TENM2: variants seen among roughly 807,000 people sequenced by gnomAD.
The protein encoded by TENM2 is teneurin transmembrane protein 2.
A neutral mutation model predicts 245.2 loss-of-function variants in TENM2; 52 were observed. The ratio of observed to expected loss-of-function variants is 0.21; its 90% CI spans 0.17 to 0.27. TENM2 has a LOEUF of 0.27. TENM2 is among the 10% of genes least tolerant of loss of function. The pLI, the probability that TENM2 is intolerant of heterozygous loss-of-function variation, is 1.00. For synonymous variants in TENM2, 1,363 were observed against 1,438.9 expected, an observed-to-expected ratio of 0.95 and a Z score of 1.19; for missense variants, 3,046 against 3,666.8, an observed-to-expected ratio of 0.83 and a Z score of 4.37.
At chr5:167,179,210 GCTT>G in the TENM2 span, among the ~76,000 whole-genome samples, 6 of 152,124 alleles carry the variant, frequency 3.9e-5, no homozygotes, top group African/African-American at 1.4e-4. Context: ...ACAGGAAAAA[GCTT>G]CTACTTCACC....
intron 2 of TENM2, among the ~76,000 whole-genome samples, chr5:167,726,579 C>A (rs1198349135): frequency 6.6e-6 from 1 of 152,172 alleles, no homozygotes; most frequent in Admixed American, 6.5e-5. Flanking sequence ...CTGCCTCAGC[C>A]TGCCAAGTAG....
chr5:168,171,615 C>T (rs1157619314), intron 13 of TENM2, among the ~76,000 whole-genome samples: 2 of 152,148 alleles, frequency 1.3e-5, no homozygotes, highest in African/African-American at 4.8e-5. Flanking sequence ...TTATAATTTA[C>T]CCAACACAGC....
intron 12 of TENM2, among the ~76,000 whole-genome samples, chr5:168,151,642 T>G (rs1171122593): frequency 6.6e-6 from 1 of 152,134 alleles, no homozygotes; most frequent in East Asian, 1.9e-4. Context: ...GAAGCCAAGG[T>G]TTGAACCCAG....
intron 2 of TENM2, among the ~76,000 whole-genome samples, chr5:167,770,862 T>C (rs1259239428): frequency 6.6e-6 from 1 of 152,072 alleles, no homozygotes; most frequent in Non-Finnish European, 1.5e-5. Flanking sequence ...AAATGAGGGT[T>C]TGAGGGCTGT....
chr5:168,004,172 G>A (rs984975144), intron 5 of TENM2, among the ~76,000 whole-genome samples: 1 of 152,136 alleles, frequency 6.6e-6, no homozygotes, highest in Non-Finnish European at 1.5e-5. Context: ...ATTCATGAAC[G>A]TCTTCTTTTC....
At position 167,993,963 on chromosome 5, in the gene TENM2, C is replaced by T. The variant is rs79684284; in HGVS notation, c.1186+781C>T. 1.4e-3 allele frequency among the ~76,000 whole-genome samples: 206 copies of T among 152,356 alleles called. 1 individual carries two copies. Among genetic ancestry groups the T allele is most frequent in the South Asian group, 9.5e-3 (46 of 4,830 alleles). On this transcript the variant is annotated intron_variant, in intron 5 of 28. Coordinates refer to ENST00000518659, the Ensembl canonical transcript of TENM2. ...ACCACAGAAAGTGGCAGATGCTGAG[C>T]GCCCAGGGGCAGGGTGCCACGTGCA...
At chr5:167,082,538 T>C in the TENM2 span, among the ~76,000 whole-genome samples, 1 of 152,138 alleles carries the variant, frequency 6.6e-6, no homozygotes, top group African/African-American at 2.4e-5. Context: ...CTGCCCACCT[T>C]GGCCTCCCAA....
At chr5:167,173,985 G>A in the TENM2 span, among the ~76,000 whole-genome samples, 1 of 151,954 alleles carries the variant, frequency 6.6e-6, no homozygotes, top group African/African-American at 2.4e-5. Flanking sequence ...ATATAATAAT[G>A]TAGAGAAATT....
intron 9 of TENM2, among the ~76,000 whole-genome samples, chr5:168,115,767 T>A (rs967751158): frequency 6.6e-6 from 1 of 152,188 alleles, no homozygotes; most frequent in Admixed American, 6.5e-5. Flanking sequence ...CACTGTTACC[T>A]AGATCAGAAA....
chr5:167,621,127 A>T (rs114364721), intron 2 of TENM2, among the ~76,000 whole-genome samples: 1 of 152,144 alleles, frequency 6.6e-6, no homozygotes, highest in Non-Finnish European at 1.5e-5. Context: ...TGTGGGCCAG[A>T]TATTATACTC....
At chr5:167,985,632 G>A (rs1783187125) in intron 4 of TENM2, among the ~76,000 whole-genome samples, 1 of 152,186 alleles carries the variant, frequency 6.6e-6, no homozygotes, top group Admixed American at 6.5e-5. Flanking sequence ...AAAAGGCATT[G>A]ACCTTTGGAG....
intron 2 of TENM2, among the ~76,000 whole-genome samples, chr5:167,449,549 T>C (rs1297975671): frequency 6.6e-6 from 1 of 151,298 alleles, no homozygotes; most frequent in Non-Finnish European, 1.5e-5. Flanking sequence ...GATAGATAGA[T>C]AGATAGATAG....
intron 12 of TENM2, among the ~76,000 whole-genome samples, chr5:168,133,525 A>G (rs543403043): frequency 6.6e-6 from 1 of 152,310 alleles, no homozygotes; most frequent in African/African-American, 2.4e-5. Context: ...CAGGTTTTCA[A>G]TGTAGGCTCC....
the TENM2 span, among the ~76,000 whole-genome samples, chr5:167,041,412 C>G: frequency 1.3e-5 from 2 of 152,168 alleles, no homozygotes; most frequent in Non-Finnish European, 2.9e-5. Flanking sequence ...CTGCTACTCT[C>G]CTCTGGACTT....
At chr5:167,945,074 C>T (rs1225448691) in intron 3 of TENM2, among the ~76,000 whole-genome samples, 1 of 152,178 alleles carries the variant, frequency 6.6e-6, no homozygotes, top group Non-Finnish European at 1.5e-5. Context: ...CTACTCTGAT[C>T]CCTGTCCTCT....
the TENM2 span, among the ~76,000 whole-genome samples, chr5:167,030,368 T>C: frequency 1.3e-5 from 2 of 152,208 alleles, no homozygotes; most frequent in Non-Finnish European, 2.9e-5. Context: ...TTGAAAAAAT[T>C]GGTAGCCACA....
the TENM2 span, among the ~76,000 whole-genome samples, chr5:167,268,312 A>G: frequency 5.3e-5 from 8 of 152,334 alleles, no homozygotes; most frequent in East Asian, 1.3e-3. Flanking sequence ...ATTTCAAACT[A>G]TTGTCACAAG....
At chr5:167,522,413 T>A (rs1770824760) in intron 2 of TENM2, among the ~76,000 whole-genome samples, 1 of 152,074 alleles carries the variant, frequency 6.6e-6, no homozygotes, top group African/African-American at 2.4e-5. Flanking sequence ...GTGAAATGAG[T>A]AATGAACCCA....
At chr5:167,308,213 C>T (rs540805432) in intron 1 of TENM2, among the ~76,000 whole-genome samples, 3 of 152,282 alleles carry the variant, frequency 2.0e-5, no homozygotes, top group South Asian at 2.1e-4. Context: ...AGTAGAAAAG[C>T]ACAGAATTTG....
Sources: allele counts gnomAD v4.1 joint callset (sites outside exome capture counted in the v4.1 genomes callset), GRCh38; gene constraint gnomAD v4.1.1; transcripts MANE v1.5; gene names NCBI Gene and HGNC (gene_info 2026-07-23, HGNC 2026-07-21).